The following NDUFB9 variants were observed in gnomAD, a reference collection of about 807,000 sequenced individuals.
NDUFB9 encodes the protein NADH:ubiquinone oxidoreductase subunit B9.
A neutral mutation model predicts 30.2 loss-of-function variants in NDUFB9; 24 were observed. That is an observed-to-expected ratio of 0.80 (90% CI 0.58 to 1.12). The LOEUF (loss-of-function observed/expected upper bound fraction) is 1.12, where lower values mean the gene tolerates loss of function less well. Among genes scored for constraint, NDUFB9 ranks in the 50% most tolerant of loss-of-function variants. The pLI is 0.00. For missense variants in NDUFB9, 204 were observed against 226.0 expected (o/e 0.90, Z 0.62); for synonymous variants, 80 against 84.0 (o/e 0.95, Z 0.26).
chr8:124,547,861 G>A (rs1822200776), intron 3 of NDUFB9, among the ~76,000 whole-genome samples: 1 of 152,124 alleles, frequency 6.6e-6, no homozygotes, highest in African/African-American at 2.4e-5. Flanking sequence ...CTGTGCACCT[G>A]TAATCCCAGC....
chr8:124,539,293 G>A lies in NDUFB9; in HGVS notation c.101+6G>A. 6.2e-7 allele frequency: 1 copy of A among 1,614,120 alleles called. No homozygotes were observed. The highest frequency in any genetic ancestry group is 8.5e-7 in the Non-Finnish European group (1 of 1,179,964). ...GAGTCGTGGTGCGTCCAGAGGTAAG[G>A]GATGGGGACCCAGGACTCGGGGAGG... On this transcript the variant is annotated splice_donor_region_variant and intron_variant, in intron 1 of 3. Coordinates refer to ENST00000276689, the MANE Select transcript of NDUFB9 (RefSeq NM_005005.3).
Position 124,543,246 on chromosome 8 carries a change from G to C in NDUFB9, c.261G>C (p.Gly87=), listed in dbSNP as rs768688087. 1.2e-5 allele frequency: 20 copies of C among 1,613,990 alleles called. No individual in the cohort carries two copies. Among genetic ancestry groups the C allele is most frequent in the Non-Finnish European group, 1.5e-5 (18 of 1,180,022 alleles). ...PQPYIFPDSP[G]GTSYERYDCY... is the part of the protein sequence containing the mutation. ...CATACATCTTCCCTGACTCTCCTGGGGGCACCTCCTATGAGAGATACGATT... is the reference window on the plus strand; with the variant it reads ...CATACATCTTCCCTGACTCTCCTGGCGGCACCTCCTATGAGAGATACGATT... The change falls in exon 2 of 4, where the codon GGG becomes GGC. Residue 87 remains glycine, a synonymous_variant. Coordinates refer to ENST00000276689, the MANE Select transcript of NDUFB9 (RefSeq NM_005005.3).
At chr8:124,543,009 T>C (rs1822059190) in intron 1 of NDUFB9, 78 bp from the exon 2 acceptor site, 1 of 1,480,504 alleles carries the variant, frequency 6.8e-7, no homozygotes, top group African/African-American at 1.4e-5. Flanking sequence ...GTATCAGAAG[T>C]GCAGCCTCCT....
intron 2 of NDUFB9, among the ~76,000 whole-genome samples, chr8:124,545,172 C>G (rs903456049): frequency 6.6e-6 from 1 of 152,182 alleles, no homozygotes; most frequent in African/African-American, 2.4e-5. Context: ...GATGGAGTCT[C>G]CTGGTGAAGT....
In NDUFB9 at chr8:124,539,535, A is replaced by T. The variant is rs1236007955; in HGVS notation, c.101+248A>T. ...TGTTTAGTAAAACGGACGCACGACC[A>T]GCGCAGAGGGTCGCAGGAAAATTAA... On this transcript the variant is annotated intron_variant, in intron 1 of 3. Coordinates refer to ENST00000276689, the MANE Select transcript of NDUFB9 (RefSeq NM_005005.3). 15 of 529,914 alleles carry T rather than the reference A, an allele frequency of 2.8e-5. No homozygotes were observed. The East Asian group carries it at 5.0e-4, about 18-fold the overall frequency. 32.8% of individuals were successfully genotyped at this position (529,914 alleles called of 1,614,324 possible).
At chr8:124,540,519 T>G (rs1295628750) in intron 1 of NDUFB9, among the ~76,000 whole-genome samples, 17 of 152,160 alleles carry the variant, frequency 1.1e-4, no homozygotes, top group Non-Finnish European at 1.8e-4. Flanking sequence ...TATGGATGTA[T>G]TAAAATATCA....
intron 1 of NDUFB9, among the ~76,000 whole-genome samples, chr8:124,540,001 A>G (rs944330320): frequency 6.6e-6 from 1 of 152,128 alleles, no homozygotes; most frequent in Admixed American, 6.5e-5. Flanking sequence ...AATTCATTGC[A>G]GGGTGGGCTA....
At position 124,539,514 on chromosome 8, in the gene NDUFB9, T is replaced by G. The variant is rs970940101; in HGVS notation, c.101+227T>G. ...CGGGTCTGGGCGTCAGCTTTTTGTT[T>G]AGTAAAACGGACGCACGACCAGCGC... On this transcript the variant is annotated intron_variant, in intron 1 of 3. Coordinates refer to ENST00000276689, the MANE Select transcript of NDUFB9 (RefSeq NM_005005.3). The G allele has an allele frequency of 1.3e-5, 7 of 557,126 alleles. No individual in the cohort carries two copies. In the African/African-American group the frequency reaches 1.3e-4, roughly 11 times the overall value. The allele number at this position is 557,126 out of a possible 1,614,324, so 34.5% of individuals were successfully genotyped here.
chr8:124,545,829 A>T (rs1037082322), intron 2 of NDUFB9, among the ~76,000 whole-genome samples: 1 of 151,450 alleles, frequency 6.6e-6, no homozygotes, highest in African/African-American at 2.4e-5. Flanking sequence ...TCACCCAACC[A>T]ATAATGTATT....
In NDUFB9 at chr8:124,543,244, G is replaced by A. The variant is rs1822068639; in HGVS notation, c.259G>A (p.Gly87Arg). The A allele has an allele frequency of 6.2e-7, 1 of 1,613,996 alleles. No individual in the cohort carries two copies. The highest frequency in any genetic ancestry group is 1.7e-5 in the Admixed American group (1 of 60,002). Reference protein sequence around the residue: ...PQPYIFPDSPGGTSYERYDCY... With the variant: ...PQPYIFPDSPRGTSYERYDCY... ...GCCATACATCTTCCCTGACTCTCCT[G>A]GGGGCACCTCCTATGAGAGATACGA... The change falls in exon 2 of 4, where the codon GGG (glycine) becomes AGG (arginine). Residue 87 changes from glycine to arginine, a missense_variant. By Grantham distance (125) the Gly-to-Arg change is moderately radical (BLOSUM62 -2). Coordinates refer to ENST00000276689, the MANE Select transcript of NDUFB9 (RefSeq NM_005005.3).
At chr8:124,548,486 G>A (rs1372290753) in intron 3 of NDUFB9, among the ~76,000 whole-genome samples, 1 of 152,212 alleles carries the variant, frequency 6.6e-6, no homozygotes, top group Non-Finnish European at 1.5e-5. Context: ...TGATAGTCAT[G>A]AGGCGAGGAA....
chr8:124,539,141 T>A lies in NDUFB9; in HGVS notation c.-46T>A. On this transcript the variant is annotated 5_prime_UTR_variant, in exon 1 of 4. Coordinates refer to ENST00000276689, the MANE Select transcript of NDUFB9 (RefSeq NM_005005.3). The stretch of plus-strand genomic sequence containing the variant: ...CCCGCTCAGTCACCCGCAGCAGGCG[T>A]GCAGTTTCCCGGCTCTCCGCGCGGC... The A allele has an allele frequency of 6.2e-7, 1 of 1,613,358 alleles. No individual in the cohort carries two copies. Among genetic ancestry groups the A allele is most frequent in the Non-Finnish European group, 8.5e-7 (1 of 1,179,308 alleles).
chr8:124,545,189 G>C (rs1229050140), intron 2 of NDUFB9, among the ~76,000 whole-genome samples: 1 of 152,198 alleles, frequency 6.6e-6, no homozygotes, highest in Admixed American at 6.5e-5. Context: ...AAGTTTTTGT[G>C]AACATTGATG....
At chr8:124,548,996 T>C (rs564552957) in intron 3 of NDUFB9, among the ~76,000 whole-genome samples, 107 of 152,354 alleles carry the variant, frequency 7.0e-4, no homozygotes, top group African/African-American at 2.5e-3. Context: ...AAGGGGGCAG[T>C]GTTTTGTCAG....
rs369029553 is a variant in NDUFB9 at position 124,549,707 on chromosome 8, T to A, written c.409-54T>A. 6 of 1,574,286 alleles carry A rather than the reference T, an allele frequency of 3.8e-6. No homozygotes were observed. In the East Asian group the frequency reaches 6.7e-5, roughly 18 times the overall value. ...TGACCCTTCACTGCAGCAGACAGAT[T>A]TTTATAGTCAATTAGATTCCTTTGG... On this transcript the variant is annotated intron_variant, in intron 3 of 3. Coordinates refer to ENST00000276689, the MANE Select transcript of NDUFB9 (RefSeq NM_005005.3).
chr8:124,539,368 T>C, intron 1 of NDUFB9, 81 bp downstream of exon 1: 1 of 1,253,326 alleles, frequency 8.0e-7, no homozygotes, highest in South Asian at 1.2e-5. Flanking sequence ...TACCTGGAGG[T>C]TCAAGGACTT....
intron 2 of NDUFB9, among the ~76,000 whole-genome samples, chr8:124,546,165 A>G (rs913189403): frequency 6.6e-6 from 1 of 152,228 alleles, no homozygotes; most frequent in Non-Finnish European, 1.5e-5. Flanking sequence ...TTTTTTATGT[A>G]TATTATGTGA....
chr8:124,547,909 C>G (rs894269835), intron 3 of NDUFB9, among the ~76,000 whole-genome samples: 1 of 151,960 alleles, frequency 6.6e-6, no homozygotes, highest in African/African-American at 2.4e-5. Context: ...GCTTGAATCC[C>G]AGGAGGTGGA....
chr8:124,543,299 ACTGC>A lies in NDUFB9; in HGVS notation c.294+23_294+26del. On this transcript the variant is annotated intron_variant, in intron 2 of 3. Coordinates refer to ENST00000276689, the MANE Select transcript of NDUFB9 (RefSeq NM_005005.3). ...TACAAGGTAGGTGAGAATTATGATG[ACTGC>A]CTTCTGAGAAATAGACTTTGTTTCT... 3 of 1,605,038 alleles carry A rather than the reference ACTGC, an allele frequency of 1.9e-6. No homozygotes were observed. Among genetic ancestry groups the A allele is most frequent in the Non-Finnish European group, 2.6e-6 (3 of 1,171,740 alleles).
Sources: allele counts gnomAD v4.1 joint callset (sites outside exome capture counted in the v4.1 genomes callset), GRCh38; gene constraint gnomAD v4.1.1; transcripts MANE v1.5; gene names NCBI Gene and HGNC (gene_info 2026-07-23, HGNC 2026-07-21).